Variants in SDHAF3 observed in about 807,000 individuals in gnomAD.
The protein encoded by SDHAF3 is succinate dehydrogenase complex assembly factor 3.
In SDHAF3, 18 loss-of-function variants were observed where a neutral mutation model predicts 11.5. The observed-to-expected ratio is 1.56, with a 90% CI of 1.08 to 2.32. The LOEUF (loss-of-function observed/expected upper bound fraction) is 2.32. SDHAF3 is among the 30% of genes most tolerant of loss of function. The pLI is 0.00. For missense variants in SDHAF3, 200 were observed against 154.4 expected, an observed-to-expected ratio of 1.30 and a Z score of -1.57; for synonymous variants, 72 against 59.3, an observed-to-expected ratio of 1.21 and a Z score of -0.99.
intron 1 of SDHAF3, among the ~76,000 whole-genome samples, chr7:97,178,165 T>C (rs1268800699): frequency 6.6e-6 from 1 of 152,238 alleles, no homozygotes; most frequent in Non-Finnish European, 1.5e-5. Context: ...ATATGTCTTT[T>C]TATGTTTGGC....
chr7:97,119,910 A>G (rs1249152990), intron 1 of SDHAF3, among the ~76,000 whole-genome samples: 1 of 152,162 alleles, frequency 6.6e-6, no homozygotes, highest in East Asian at 1.9e-4. Context: ...TCGCCTCAAC[A>G]CTTAATGTCA....
At chr7:97,174,472 C>G (rs957651389) in intron 1 of SDHAF3, among the ~76,000 whole-genome samples, 6 of 152,180 alleles carry the variant, frequency 3.9e-5, no homozygotes, top group Admixed American at 1.3e-4. Context: ...GTTTCACCAG[C>G]TTTTAGAGGA....
chr7:97,134,257 G>A (rs1791713706), intron 1 of SDHAF3, among the ~76,000 whole-genome samples: 1 of 152,140 alleles, frequency 6.6e-6, no homozygotes, highest in Non-Finnish European at 1.5e-5. Flanking sequence ...AAAGTAACAT[G>A]TTTATTGCCT....
Position 97,117,925 on chromosome 7 carries a change from A to G in SDHAF3, c.174+28A>G, listed in dbSNP as rs200000306. 2.2e-4 allele frequency: 359 copies of G among 1,610,470 alleles called. 4 individuals are homozygous for G. The South Asian group carries it at 3.8e-3, about 17-fold the overall frequency. On this transcript the variant is annotated intron_variant, in intron 1 of 1. Coordinates refer to ENST00000432641, the MANE Select transcript of SDHAF3 (RefSeq NM_020186.3). ...AAGTGACGCTCCCTTCTCTTTGCCC[A>G]AGACCTTTGGGGTTCCTCGGTGTCC...
At chr7:97,137,986 C>T (rs925869357) in intron 1 of SDHAF3, among the ~76,000 whole-genome samples, 3 of 150,244 alleles carry the variant, frequency 2.0e-5, no homozygotes, top group Non-Finnish European at 4.4e-5. Context: ...AATTCTCCTG[C>T]CTCAGCCTCT....
intron 1 of SDHAF3, among the ~76,000 whole-genome samples, chr7:97,140,183 T>G (rs1436083384): frequency 6.6e-6 from 1 of 152,162 alleles, no homozygotes; most frequent in East Asian, 1.9e-4. Flanking sequence ...TTCATTTGGC[T>G]TAATGTTTTA....
intron 1 of SDHAF3, among the ~76,000 whole-genome samples, chr7:97,148,037 G>A (rs1789162817): frequency 6.6e-6 from 1 of 151,934 alleles, no homozygotes; most frequent in Non-Finnish European, 1.5e-5. Context: ...CCAAGTAGCT[G>A]GGATTACAGG....
chr7:97,159,839 G>A (rs532874723), intron 1 of SDHAF3, among the ~76,000 whole-genome samples: 4 of 152,250 alleles, frequency 2.6e-5, no homozygotes, highest in East Asian at 1.9e-4. Context: ...CGGGAGTTTC[G>A]AGAAGGTTGG....
intron 1 of SDHAF3, among the ~76,000 whole-genome samples, chr7:97,161,306 A>C (rs1789405722): frequency 6.6e-6 from 1 of 152,180 alleles, no homozygotes; most frequent in Admixed American, 6.5e-5. Context: ...TGGGTTTGTC[A>C]GGACACTACC....
chr7:97,152,908 C>T (rs1371336529), intron 1 of SDHAF3, among the ~76,000 whole-genome samples: 10 of 152,166 alleles, frequency 6.6e-5, no homozygotes, highest in Non-Finnish European at 1.5e-4. Context: ...TCCCGCCATG[C>T]CCGCCATGGC....
At chr7:97,136,852 A>G (rs982280925) in intron 1 of SDHAF3, among the ~76,000 whole-genome samples, 1 of 152,188 alleles carries the variant, frequency 6.6e-6, no homozygotes, top group African/African-American at 2.4e-5. Flanking sequence ...AGTAATGATA[A>G]TTCATCTTCT....
At chr7:97,135,881 G>A (rs1460639450) in intron 1 of SDHAF3, among the ~76,000 whole-genome samples, 2 of 151,114 alleles carry the variant, frequency 1.3e-5, no homozygotes, top group Admixed American at 6.6e-5. Flanking sequence ...TAGAGACGGG[G>A]TTTCACCGTG....
chr7:97,179,983 C>T (rs1258579418), intron 1 of SDHAF3, among the ~76,000 whole-genome samples: 1 of 152,236 alleles, frequency 6.6e-6, no homozygotes, highest in East Asian at 1.9e-4. Context: ...CCAGTTCATT[C>T]ACTTTAACTT....
intron 1 of SDHAF3, among the ~76,000 whole-genome samples, chr7:97,165,357 C>CTTTTTTTTTT (rs10653828): frequency 1.3e-5 from 1 of 77,024 alleles, no homozygotes; most frequent in Non-Finnish European, 2.4e-5. Context: ...ATTTTCCTAC[C>CTTTTTTTTTT]TTTTTTTTTT....
intron 1 of SDHAF3, among the ~76,000 whole-genome samples, chr7:97,142,042 CTTTTTTTTTTT>C (rs71131003): frequency 3.9e-4 from 24 of 61,694 alleles, no homozygotes; most frequent in Admixed American, 9.4e-4. Flanking sequence ...GAATTGTTGT[CTTTTTTTTTTT>C]TTTTTTTTTT....
chr7:97,155,599 T>C (rs1428179100), intron 1 of SDHAF3, among the ~76,000 whole-genome samples: 1 of 152,226 alleles, frequency 6.6e-6, no homozygotes, highest in Non-Finnish European at 1.5e-5. Flanking sequence ...TTAACTACCT[T>C]ATTACTTGTT....
chr7:97,172,295 T>G (rs982826023), intron 1 of SDHAF3, among the ~76,000 whole-genome samples: 6 of 152,206 alleles, frequency 3.9e-5, no homozygotes, highest in African/African-American at 1.4e-4. Context: ...GTAGTCTAGA[T>G]GAACTATAGT....
chr7:97,136,484 A>G, intron 1 of SDHAF3: 1 of 620,838 alleles, frequency 1.6e-6, no homozygotes, highest in South Asian at 1.8e-5. Context: ...AAGACCTGCC[A>G]GATTATTTTA....
chr7:97,128,296 A>AC lies in SDHAF3; in HGVS notation c.174+10400dup, dbSNP rs1309172627. ...TTTTCTACTTTTTCATGTCTGAAAC[A>AC]CTTGCATTATTAGTGAAGCTTTTAA... On this transcript the variant is annotated intron_variant, in intron 1 of 1. Coordinates refer to ENST00000432641, the MANE Select transcript of SDHAF3 (RefSeq NM_020186.3). Among the ~76,000 whole-genome samples the AC allele has an allele frequency of 2.0e-5, 3 of 152,352 alleles. No homozygotes were observed. In the South Asian group the frequency reaches 6.2e-4, roughly 32 times the overall value.
Sources: allele counts gnomAD v4.1 joint callset (sites outside exome capture counted in the v4.1 genomes callset), GRCh38; gene constraint gnomAD v4.1.1; transcripts MANE v1.5; gene names NCBI Gene and HGNC (gene_info 2026-07-23, HGNC 2026-07-21).